HIPK3: variants seen among roughly 807,000 people sequenced by gnomAD.
The protein encoded by HIPK3 is homeodomain interacting protein kinase 3.
HIPK3 carries 47 observed loss-of-function variants against 124.2 expected under a neutral mutation model. The ratio of observed to expected loss-of-function variants is 0.38; its 90% CI spans 0.30 to 0.48. The LOEUF (loss-of-function observed/expected upper bound fraction) is 0.48, where lower values mean the gene tolerates loss of function less well. Among genes scored for constraint, HIPK3 ranks in the 20% least tolerant of loss-of-function variants. The pLI, the probability that HIPK3 is intolerant of heterozygous loss-of-function variation, is 0.98. For synonymous variants in HIPK3, 482 were observed against 515.2 expected, an observed-to-expected ratio of 0.94 and a Z score of 0.87; for missense variants, 1,286 against 1,454.3, an observed-to-expected ratio of 0.88 and a Z score of 1.88.
At chr11:33,338,706 A>G in intron 4 of HIPK3, 51 bp from the exon 5 acceptor site, 1 of 1,214,726 alleles carries the variant, frequency 8.2e-7, no homozygotes, top group South Asian at 1.3e-5. Flanking sequence ...TGCCAGGATT[A>G]AAGAAATTTG....
intron 8 of HIPK3, among the ~76,000 whole-genome samples, chr11:33,343,807 A>T (rs1853415470): frequency 1.3e-5 from 2 of 152,124 alleles, no homozygotes; most frequent in African/African-American, 4.8e-5. Context: ...TGGGAGAAGG[A>T]TTTATATCAT....
At chr11:33,306,473 T>A (rs556940441) in intron 2 of HIPK3, among the ~76,000 whole-genome samples, 24 of 151,990 alleles carry the variant, frequency 1.6e-4, no homozygotes, top group Non-Finnish European at 2.5e-4. Context: ...TGCTTTTTTT[T>A]AAAAAAAATT....
At chr11:33,333,428 C>T (rs1853047846) in intron 3 of HIPK3, among the ~76,000 whole-genome samples, 1 of 152,254 alleles carries the variant, frequency 6.6e-6, no homozygotes, top group Non-Finnish European at 1.5e-5. Context: ...TAGCTCATCC[C>T]CCAAGAGTCA....
chr11:33,328,905 G>T (rs1370022103), intron 3 of HIPK3, among the ~76,000 whole-genome samples: 1 of 152,164 alleles, frequency 6.6e-6, no homozygotes, highest in Non-Finnish European at 1.5e-5. Context: ...TGGATTGTGT[G>T]TCCATTTAAT....
intron 1 of HIPK3, among the ~76,000 whole-genome samples, chr11:33,275,834 C>T (rs1347537912): frequency 6.6e-6 from 1 of 152,206 alleles, no homozygotes; most frequent in Non-Finnish European, 1.5e-5. Flanking sequence ...TTTGCCCTCA[C>T]TGCTTATGAT....
At chr11:33,331,976 G>C (rs266485) in intron 3 of HIPK3, among the ~76,000 whole-genome samples, 103,300 of 152,020 alleles carry the variant, frequency 0.68, 35,261 homozygotes, top group Non-Finnish European at 0.72. Flanking sequence ...TTACTGCAAA[G>C]TTGAACTCGT....
chr11:33,295,105 TGAAAC>T (rs769353786), intron 2 of HIPK3, among the ~76,000 whole-genome samples: 85 of 152,018 alleles, frequency 5.6e-4, no homozygotes, highest in Non-Finnish European at 8.2e-4. Flanking sequence ...ACCTGAGACT[TGAAAC>T]GAACCCGTAG....
At chr11:33,335,160 A>G (rs1045202169) in intron 3 of HIPK3, among the ~76,000 whole-genome samples, 1 of 152,156 alleles carries the variant, frequency 6.6e-6, no homozygotes, top group Non-Finnish European at 1.5e-5. Flanking sequence ...GGATATATTC[A>G]GTTGGAGATA....
chr11:33,304,221 G>A (rs1441759494), intron 2 of HIPK3, among the ~76,000 whole-genome samples: 1 of 152,196 alleles, frequency 6.6e-6, no homozygotes, highest in Non-Finnish European at 1.5e-5. Flanking sequence ...TTATGGGTGT[G>A]AGCCACTGCA....
intron 2 of HIPK3, among the ~76,000 whole-genome samples, chr11:33,312,201 T>C (rs1852370428): frequency 6.6e-6 from 1 of 152,168 alleles, no homozygotes; most frequent in Non-Finnish European, 1.5e-5. Flanking sequence ...AGCTCTATAG[T>C]TGTTCAGTAT....
intron 1 of HIPK3, among the ~76,000 whole-genome samples, chr11:33,261,618 A>G (rs1282630960): frequency 1.3e-5 from 2 of 152,166 alleles, no homozygotes; most frequent in East Asian, 3.8e-4. Context: ...GAGTCTTCCC[A>G]TTGATGAACA....
intron 2 of HIPK3, among the ~76,000 whole-genome samples, chr11:33,292,481 A>T (rs1026119537): frequency 5.3e-5 from 8 of 152,140 alleles, no homozygotes; most frequent in African/African-American, 1.9e-4. Context: ...TCTGAGGGGC[A>T]GGGAAGGCTT....
intron 2 of HIPK3, among the ~76,000 whole-genome samples, chr11:33,306,120 G>T (rs992175732): frequency 6.6e-6 from 1 of 152,150 alleles, no homozygotes; most frequent in Non-Finnish European, 1.5e-5. Context: ...AGAGGCAACT[G>T]AAATCTAATA....
chr11:33,265,772 C>CAAAAA (rs55837408), intron 1 of HIPK3, among the ~76,000 whole-genome samples: 12 of 64,790 alleles, frequency 1.9e-4, no homozygotes, highest in African/African-American at 3.2e-4. Context: ...GACCTTGTCT[C>CAAAAA]AAAAAAAAAA....
At chr11:33,300,021 CAAAAAAAAA>C (rs58435948) in intron 2 of HIPK3, among the ~76,000 whole-genome samples, 9 of 95,146 alleles carry the variant, frequency 9.5e-5, no homozygotes, top group Admixed American at 2.4e-4. Context: ...GACCCTGTCT[CAAAAAAAAA>C]AAAAAAAAAA....
intron 2 of HIPK3, among the ~76,000 whole-genome samples, chr11:33,294,807 A>G (rs1428957059): frequency 1.3e-5 from 2 of 152,144 alleles, no homozygotes; most frequent in African/African-American, 4.8e-5. Context: ...AATCAACTCA[A>G]TACTGTTAGC....
intron 2 of HIPK3, among the ~76,000 whole-genome samples, chr11:33,326,847 AT>A (rs1439780423): frequency 6.6e-6 from 1 of 151,774 alleles, no homozygotes; most frequent in East Asian, 1.9e-4. Context: ...ATTAAAAAAA[AT>A]TTTTTCTTTT....
intron 2 of HIPK3, among the ~76,000 whole-genome samples, chr11:33,307,800 T>C (rs1411898186): frequency 3.3e-5 from 5 of 151,902 alleles, no homozygotes; most frequent in African/African-American, 4.8e-5. Flanking sequence ...GTGAGTGATT[T>C]TAAAAGATAT....
Position 33,335,393 on chromosome 11 carries a change from G to A in HIPK3, c.1222-1682G>A, listed in dbSNP as rs1401240306. Among the ~76,000 whole-genome samples, 4 of 152,268 alleles carry A rather than the reference G, an allele frequency of 2.6e-5. No homozygotes were observed. The East Asian group carries it at 5.8e-4, about 22-fold the overall frequency. On this transcript the variant is annotated intron_variant, in intron 3 of 16. Coordinates refer to ENST00000303296, the MANE Select transcript of HIPK3 (RefSeq NM_005734.5). ...AGTAGAAGAGACCCAGAAAAGCATG[G>A]CGTCGTGGAAATTGAGCGATTTTTA...
Sources: gnomAD v4.1 joint callset for allele counts (sites outside exome capture counted in the v4.1 genomes callset) on GRCh38, gnomAD v4.1.1 for gene constraint, MANE v1.5 for transcripts, NCBI Gene and HGNC (gene_info 2026-07-23, HGNC 2026-07-21) for gene names.